The following HMCN1 variants were observed in gnomAD, a reference collection of about 807,000 sequenced individuals.
HMCN1 encodes the protein hemicentin 1.
In HMCN1, 321 loss-of-function variants were observed where a neutral mutation model predicts 625.9. That is an observed-to-expected ratio of 0.51 (90% confidence interval 0.47 to 0.56). HMCN1 has a LOEUF of 0.56. Among genes scored for constraint, HMCN1 ranks in the 20% least tolerant of loss-of-function variants. The pLI is 0.00. For missense variants in HMCN1, 6,588 were observed against 6,887.3 expected, an observed-to-expected ratio of 0.96 and a Z score of 1.54; for synonymous variants, 2,425 against 2,417.6, an observed-to-expected ratio of 1.00 and a Z score of -0.09.
intron 25 of HMCN1, among the ~76,000 whole-genome samples, chr1:185,998,681 T>C (rs115358072): frequency 6.6e-6 from 1 of 152,142 alleles, no homozygotes; most frequent in African/African-American, 2.4e-5. Context: ...CTTCCTTACT[T>C]CCTCATTTTC....
At position 186,189,843 on chromosome 1, in the gene HMCN1, A is replaced by C; in HGVS notation, c.16873A>C (p.Ile5625Leu). 6.2e-7 allele frequency: 1 copy of C among 1,613,842 alleles called. No homozygotes were observed. ...NGTIEYQTTF[I>L]VYIAVSAYPY is the part of the protein sequence containing the mutation. ...GACCATTGAATATCAGACCACATTC[A>C]TAGTTTATATAGCTGTGTCCGCCTA... The change falls in exon 107 of 107, where the codon ATA becomes CTA. Residue 5625 changes from isoleucine to leucine, a missense_variant. Physicochemically the swap from Ile to Leu is conservative, Grantham distance 5. This residue lies in a region of HMCN1 where 1,954 missense variants were observed against 2,013.1 expected (regional missense o/e 0.97). Coordinates refer to ENST00000271588, the MANE Select transcript of HMCN1 (RefSeq NM_031935.3).
At chr1:185,835,757 G>GA (rs11459298) in intron 1 of HMCN1, among the ~76,000 whole-genome samples, 10,773 of 151,876 alleles carry the variant, frequency 0.071, 1,238 homozygotes, top group African/African-American at 0.24. Flanking sequence ...TCTATGAAGA[G>GA]AAAAAAGCAA....
intron 97 of HMCN1, among the ~76,000 whole-genome samples, chr1:186,161,403 G>A (rs1435442376): frequency 2.6e-5 from 4 of 152,058 alleles, no homozygotes; most frequent in African/African-American, 9.7e-5. Context: ...TTTAATTGGA[G>A]CATTTAGTCC....
intron 86 of HMCN1, among the ~76,000 whole-genome samples, chr1:186,134,768 C>A (rs1340783586): frequency 6.6e-6 from 1 of 152,190 alleles, no homozygotes; most frequent in Non-Finnish European, 1.5e-5. Flanking sequence ...CTTGAATTAT[C>A]TATTACCTCT....
rs1413095192 is a variant in HMCN1 at position 186,076,401 on chromosome 1, C to G, written c.8291-27C>G. Reference sequence around the variant, plus strand: ...TCTTTGTTTAAGCATTTATATGTGACCAACATTTAATGCCTTTCCTCCATA... The same window carrying G: ...TCTTTGTTTAAGCATTTATATGTGAGCAACATTTAATGCCTTTCCTCCATA... On this transcript the variant is annotated intron_variant, in intron 53 of 106. Coordinates refer to ENST00000271588, the MANE Select transcript of HMCN1 (RefSeq NM_031935.3). 30 of 1,600,464 alleles carry G rather than the reference C, an allele frequency of 1.9e-5. No homozygotes were observed. In the East Asian group the frequency reaches 6.7e-4, roughly 36 times the overall value.
chr1:185,978,179 A>G (rs1489967395), intron 16 of HMCN1, 198 bp downstream of exon 16: 8 of 536,362 alleles, frequency 1.5e-5, no homozygotes, highest in Non-Finnish European at 2.0e-5. Context: ...ATTCAAATGT[A>G]TGTCATTAAT....
intron 13 of HMCN1, among the ~76,000 whole-genome samples, chr1:185,965,241 C>T (rs1650321940): frequency 6.6e-6 from 1 of 152,006 alleles, no homozygotes. Context: ...GGGTCAAAAC[C>T]AGGAGACTCT....
In HMCN1 at chr1:185,997,675, C is replaced by T. The variant is rs567263405; in HGVS notation, c.3874+151C>T. Reference sequence around the variant, plus strand: ...AGAAACTAACCCATTTTTCAGATAACAGCTCTTTGAATAAGTATTTTTTTT... The same window carrying T: ...AGAAACTAACCCATTTTTCAGATAATAGCTCTTTGAATAAGTATTTTTTTT... On this transcript the variant is annotated intron_variant, in intron 25 of 106. Transcript: ENST00000271588. 3.8e-5 allele frequency: 25 copies of T among 664,942 alleles called. No individual in the cohort carries two copies. The African/African-American group carries it at 3.8e-4, about 10-fold the overall frequency. 41.2% of individuals were successfully genotyped at this position (664,942 alleles called of 1,614,324 possible).
chr1:186,034,436 A>G (rs1454477118), intron 36 of HMCN1, among the ~76,000 whole-genome samples: 1 of 152,218 alleles, frequency 6.6e-6, no homozygotes, highest in Non-Finnish European at 1.5e-5. Flanking sequence ...GTCTGTTTTT[A>G]TAGACTTTAA....
chr1:185,856,430 G>A (rs1055094792), intron 2 of HMCN1, among the ~76,000 whole-genome samples: 4 of 151,606 alleles, frequency 2.6e-5, no homozygotes, highest in African/African-American at 4.9e-5. Flanking sequence ...GTGGAGTTGC[G>A]GTGAGTGAGA....
At chr1:185,779,148 T>G (rs1656857783) in intron 1 of HMCN1, among the ~76,000 whole-genome samples, 1 of 152,252 alleles carries the variant, frequency 6.6e-6, no homozygotes, top group African/African-American at 2.4e-5. Context: ...TGTCTTCTTT[T>G]GAGAAGTGTC....
intron 11 of HMCN1, among the ~76,000 whole-genome samples, chr1:185,943,917 G>A (rs1014089012): frequency 6.6e-6 from 1 of 152,044 alleles, no homozygotes; most frequent in Non-Finnish European, 1.5e-5. Flanking sequence ...GAGATTCCAA[G>A]GGTTTTAGGA....
chr1:186,028,146 C>T (rs1480789826), intron 36 of HMCN1, among the ~76,000 whole-genome samples: 2 of 152,118 alleles, frequency 1.3e-5, no homozygotes, highest in African/African-American at 4.8e-5. Flanking sequence ...AAAGACTCTA[C>T]TCATGACCTG....
chr1:185,923,783 G>A (rs1414338904), intron 8 of HMCN1, 130 bp downstream of exon 8: 1 of 771,564 alleles, frequency 1.3e-6, no homozygotes, highest in Non-Finnish European at 2.2e-6. Flanking sequence ...CAAATTGATG[G>A]ATATTTACAT....
chr1:186,007,483 G>A (rs923951417), intron 30 of HMCN1, among the ~76,000 whole-genome samples: 12 of 152,038 alleles, frequency 7.9e-5, no homozygotes, highest in African/African-American at 2.7e-4. Flanking sequence ...ATTAAATATG[G>A]TTGTCTTCAA....
At chr1:186,159,962 T>G (rs1229555935) in intron 97 of HMCN1, among the ~76,000 whole-genome samples, 3 of 151,876 alleles carry the variant, frequency 2.0e-5, no homozygotes, top group East Asian at 3.9e-4. Context: ...GATTCCCTCT[T>G]TTTCTATTGA....
chr1:186,155,026 G>C (rs1650904680), intron 97 of HMCN1, among the ~76,000 whole-genome samples: 1 of 152,132 alleles, frequency 6.6e-6, no homozygotes, highest in African/African-American at 2.4e-5. Flanking sequence ...TCACTTAAAA[G>C]GATTCACATT....
chr1:185,999,934 A>T (rs1044927099), intron 25 of HMCN1, 111 bp from the exon 26 acceptor site: 7 of 731,778 alleles, frequency 9.6e-6, no homozygotes, highest in African/African-American at 3.6e-5. Flanking sequence ...ATAGGACCTA[A>T]GGTTATAAAT....
chr1:185,802,067 G>A (rs1658832967), intron 1 of HMCN1, among the ~76,000 whole-genome samples: 1 of 152,100 alleles, frequency 6.6e-6, no homozygotes, highest in South Asian at 2.1e-4. Context: ...TAAGGTTGTG[G>A]TTGAGGAGAT....
Sources: gnomAD v4.1 joint callset for allele counts (sites outside exome capture counted in the v4.1 genomes callset) on GRCh38, gnomAD v4.1.1 for gene constraint, gnomAD v4.1.1 regional missense constraint, MANE v1.5 for transcripts, NCBI Gene and HGNC (gene_info 2026-07-23, HGNC 2026-07-21) for gene names.